Variants in PDE4A observed in about 807,000 individuals in gnomAD.
PDE4A encodes 3',5'-cyclic-AMP phosphodiesterase 4A.
In PDE4A, 21 loss-of-function variants were observed where a neutral mutation model predicts 73.9. The ratio of observed to expected loss-of-function variants is 0.28; its 90% confidence interval spans 0.20 to 0.41. PDE4A has a LOEUF of 0.41. Ranked by LOEUF, PDE4A falls within the 10% of genes least tolerant of loss-of-function variation. The pLI is 1.00. For synonymous variants in PDE4A, 463 were observed against 505.4 expected (o/e 0.92, Z 1.13); for missense variants, 958 against 1,211.4 (o/e 0.79, Z 3.10).
chr19:10,418,675 A>T, upstream of PDE4A: 1 of 754,024 alleles, frequency 1.3e-6, no homozygotes, highest in Non-Finnish European at 1.6e-6. Context: ...TTTATCCCCC[A>T]GCTCAGGCCA....
intron 2 of PDE4A, among the ~76,000 whole-genome samples, chr19:10,447,663 C>T (rs2043028652): frequency 6.6e-6 from 1 of 152,100 alleles, no homozygotes; most frequent in South Asian, 2.1e-4. Context: ...GCCACCCTGC[C>T]CGCCCTCAGT....
chr19:10,435,474 T>C (rs986146521), intron 1 of PDE4A, among the ~76,000 whole-genome samples: 7 of 151,052 alleles, frequency 4.6e-5, no homozygotes, highest in African/African-American at 2.4e-5. Flanking sequence ...GGTGGGAGGA[T>C]CGCTTGAGCC....
chr19:10,418,904 G>T (rs1480771376), upstream of PDE4A: 1 of 984,456 alleles, frequency 1.0e-6, no homozygotes, highest in Non-Finnish European at 1.2e-6. Flanking sequence ...TAATGGGGGG[G>T]GTGTTCCTGA....
At position 10,453,587 on chromosome 19, in the gene PDE4A, T is replaced by A. The variant is rs2043127804; in HGVS notation, c.784-1242T>A. 6.6e-6 allele frequency among the ~76,000 whole-genome samples: 1 copy of A among 152,044 alleles called. No individual in the cohort carries two copies. The highest frequency in any genetic ancestry group is 6.6e-5 in the Admixed American group (1 of 15,254). On this transcript the variant is annotated intron_variant, in intron 6 of 14. Coordinates refer to ENST00000380702, the MANE Select transcript of PDE4A (RefSeq NM_001111307.2). The surrounding 1 kb of genome is among the most constrained non-coding windows in gnomAD (Gnocchi z 4.6). ...GTGTGTGTGTCTGCGATGGTGTGTG[T>A]CTGCCTGAGTATAGGCTTGTTTGCC...
chr19:10,433,313 C>T (rs1424811132), intron 1 of PDE4A, among the ~76,000 whole-genome samples: 2 of 151,952 alleles, frequency 1.3e-5, no homozygotes, highest in African/African-American at 2.4e-5. Flanking sequence ...GCCCAGCCCT[C>T]GCACATCCTC....
chr19:10,449,958 G>A (rs2043066090), intron 4 of PDE4A, among the ~76,000 whole-genome samples: 1 of 152,034 alleles, frequency 6.6e-6, no homozygotes, highest in African/African-American at 2.4e-5. Context: ...GCCCAGCATG[G>A]TGGCATGTGT....
intron 1 of PDE4A, among the ~76,000 whole-genome samples, chr19:10,434,168 C>CCTTT (rs145130772): frequency 0.17 from 25,212 of 149,980 alleles, 2,570 homozygotes; most frequent in African/African-American, 0.27. Flanking sequence ...TTCCTTCCTT[C>CCTTT]CTTTCTTTCT....
At position 10,420,666 on chromosome 19, in the gene PDE4A, G is replaced by A. The variant is rs1378515875; in HGVS notation, c.-99G>A. On this transcript the variant is annotated 5_prime_UTR_variant, in exon 1 of 15. Transcript: ENST00000380702. This position sits in a 1 kb window ranked among gnomAD's most constrained non-coding sequence, Gnocchi z 6.0. ...CGCCATGGCCCTACCGCGGCCGGGC[G>A]CACCCGCGGGGCCCTGGGCTCGCTG... The A allele has an allele frequency of 3.2e-5, 44 of 1,364,532 alleles. No individual in the cohort carries two copies. Among genetic ancestry groups the A allele is most frequent in the Non-Finnish European group, 3.8e-5 (41 of 1,066,964 alleles). The allele number at this position is 1,364,532 out of a possible 1,614,324, so 84.5% of individuals were successfully genotyped here.
In PDE4A at chr19:10,446,355, A is replaced by G; in HGVS notation, c.458A>G (p.Asp153Gly). The change falls in exon 2 of 15, where the codon GAC becomes GGC. Residue 153 changes from aspartate to glycine, a missense_variant. By Grantham distance (94) the Asp-to-Gly change is moderately conservative. Transcript: ENST00000380702. ...TCCTTCCTGTACCGCTCAGACAGCG[A>G]CTATGACATGTCACCCAAGACCATG... ...RESFLYRSDS[D>G]YDMSPKTMSR... The G allele has an allele frequency of 6.2e-7, 1 of 1,613,870 alleles. No homozygotes were observed. The highest frequency in any genetic ancestry group is 8.5e-7 in the Non-Finnish European group (1 of 1,179,802).
chr19:10,423,448 A>C lies in PDE4A; in HGVS notation c.320+2364A>C, dbSNP rs567346068. ...AGTGCTGGGATTACAGGCATGAGCC[A>C]CTGCACCCAGCTAAACCTTTTCTCT... is the stretch of plus-strand genomic sequence containing the variant. On this transcript the variant is annotated intron_variant, in intron 1 of 14. Coordinates refer to ENST00000380702, the MANE Select transcript of PDE4A (RefSeq NM_001111307.2). Among the ~76,000 whole-genome samples, 12 of 152,244 alleles carry C rather than the reference A, an allele frequency of 7.9e-5. No individual in the cohort carries two copies. The South Asian group carries it at 2.5e-3, about 32-fold the overall frequency.
chr19:10,452,020 G>GGTGTGTGT lies in PDE4A; in HGVS notation c.783+1114_783+1121dup, dbSNP rs58194674. ...ATGGGTCTGAGGATGTTTCTGCAAT[G>GGTGTGTGT]GTGTGTGTGTGTGTGTGTGTGTGTG... On this transcript the variant is annotated intron_variant, in intron 6 of 14. Transcript: ENST00000380702. Among the ~76,000 whole-genome samples the GGTGTGTGT allele has an allele frequency of 3.0e-3, 424 of 140,200 alleles. 4 individuals carry two copies. Among genetic ancestry groups the GGTGTGTGT allele is most frequent in the African/African-American group, 6.7e-3 (251 of 37,212 alleles). 92.0% of individuals were successfully genotyped at this position (140,200 alleles called of 152,430 possible).
Position 10,459,634 on chromosome 19 carries a change from A to G in PDE4A, c.1240A>G (p.Thr414Ala). The change falls in exon 10 of 15, where the codon ACG becomes GCG. Residue 414 changes from threonine to alanine, a missense_variant. Thr to Ala is a moderately conservative substitution (Grantham distance 58). This residue lies in a region of PDE4A where 570 missense variants were observed against 827.7 expected (regional missense o/e 0.69). Transcript: ENST00000380702. ...GAAGAAATTCCGCATCCCTGTGGAC[A>G]CGATGGTGACATACATGCTGACGCT... The part of the protein sequence containing the change: ...LLKKFRIPVD[T>A]MVTYMLTLED... The G allele has an allele frequency of 2.5e-6, 4 of 1,614,230 alleles. No individual in the cohort carries two copies. Among genetic ancestry groups the G allele is most frequent in the Non-Finnish European group, 3.4e-6 (4 of 1,180,032 alleles).
intron 14 of PDE4A, among the ~76,000 whole-genome samples, chr19:10,466,107 A>G (rs1439914907): frequency 1.3e-5 from 2 of 148,830 alleles, no homozygotes; most frequent in East Asian, 2.0e-4. Context: ...GGTTCAAGCA[A>G]TTCTCCCTGC....
intron 1 of PDE4A, among the ~76,000 whole-genome samples, chr19:10,423,575 G>A (rs1409880904): frequency 1.3e-5 from 2 of 152,174 alleles, no homozygotes; most frequent in African/African-American, 4.8e-5. Context: ...TGCCCTCTCT[G>A]AGCCTTAATT....
In PDE4A at chr19:10,467,135, G is replaced by A; in HGVS notation, c.2175G>A (p.Gln725=). The A allele has an allele frequency of 6.2e-7, 1 of 1,614,182 alleles. No individual in the cohort carries two copies. Among genetic ancestry groups the A allele is most frequent in the Non-Finnish European group, 8.5e-7 (1 of 1,180,034 alleles). ...EEEEEEISMA[Q]IPCTAQEALT... is the part of the protein sequence containing the mutation. The stretch of plus-strand genomic sequence containing the variant: ...AGGAGGAAGAAATATCAATGGCCCA[G>A]ATACCGTGCACAGCCCAAGAGGCAT... Residue 725 remains glutamine (Q), a synonymous_variant, in exon 15 of 15, where the codon CAG becomes CAA. Transcript: ENST00000380702.
chr19:10,432,306 G>C, intron 1 of PDE4A: 1 of 1,216,506 alleles, frequency 8.2e-7, no homozygotes, highest in South Asian at 3.0e-5. Flanking sequence ...TGTCCCTGGG[G>C]GGGTCACCAG....
chr19:10,466,003 CT>C lies in PDE4A; in HGVS notation c.1927-870del, dbSNP rs372475097. 0.023 allele frequency among the ~76,000 whole-genome samples: 2,856 copies of C among 126,406 alleles called. 248 individuals are homozygous for C. In the East Asian group the frequency reaches 0.34, roughly 15 times the overall value. 82.9% of individuals were successfully genotyped at this position (126,406 alleles called of 152,430 possible). On this transcript the variant is annotated intron_variant, in intron 14 of 14. Transcript: ENST00000380702. Reference sequence around the variant, plus strand: ...GGCGTGAGCCACTGCATCCGGCCTACTTTTTTTTTTTTTTCCTGAGACGGAG... The same window carrying C: ...GGCGTGAGCCACTGCATCCGGCCTACTTTTTTTTTTTTTCCTGAGACGGAG...
At chr19:10,420,241 G>C (rs1293712463), upstream of PDE4A, 1 of 246,864 alleles carries the variant, frequency 4.1e-6, no homozygotes, top group Non-Finnish European at 6.5e-6. This position sits in a 1 kb window ranked among gnomAD's most constrained non-coding sequence, Gnocchi z 6.0. Context: ...AACCAGTCCG[G>C]TGTCTGCTTC....
At position 10,449,115 on chromosome 19, in the gene PDE4A, C is replaced by T. The variant is rs201822561; in HGVS notation, c.585C>T (p.Phe195=). The change falls in exon 4 of 15, where the codon TTC becomes TTT. Residue 195 remains phenylalanine, a synonymous_variant. Transcript: ENST00000380702. Reference sequence around the variant, plus strand: ...GCCTCCGGAGCGTCCGTAGCAACTTCTCACTCCTGACCAATGTGCCCGTTC... The same window carrying T: ...GCCTCCGGAGCGTCCGTAGCAACTTTTCACTCCTGACCAATGTGCCCGTTC... ...LASLRSVRSN[F]SLLTNVPVPS... 1,325 of 1,613,794 alleles carry T rather than the reference C, an allele frequency of 8.2e-4. 21 individuals are homozygous for T. The South Asian group carries it at 0.014, about 17-fold the overall frequency.
Sources: allele counts gnomAD v4.1 joint callset (sites outside exome capture counted in the v4.1 genomes callset), GRCh38; gene constraint gnomAD v4.1.1; regional missense constraint gnomAD v4.1.1; non-coding constraint Gnocchi (gnomAD v3.1); transcripts MANE v1.5; gene names NCBI Gene and HGNC (gene_info 2026-07-23, HGNC 2026-07-21).